The following SND1 variants were observed in gnomAD, a reference collection of about 807,000 sequenced individuals.
The protein encoded by SND1 is staphylococcal nuclease and tudor domain containing 1, also known as staphylococcal nuclease domain-containing protein 1.
In SND1, 38 loss-of-function variants were observed where a neutral mutation model predicts 121.7. That is an observed-to-expected ratio of 0.31 (90% CI 0.24 to 0.41). The LOEUF (loss-of-function observed/expected upper bound fraction) is 0.41, where lower values mean the gene tolerates loss of function less well. SND1 is among the 10% of genes least tolerant of loss of function. The pLI is 1.00. For synonymous variants in SND1, 401 were observed against 447.4 expected (o/e 0.90, Z 1.31); for missense variants, 868 against 1,184.6 (o/e 0.73, Z 3.92).
chr7:127,653,641 T>TA (rs1257221498), intron 1 of SND1, among the ~76,000 whole-genome samples: 1 of 152,090 alleles, frequency 6.6e-6, no homozygotes, highest in East Asian at 1.9e-4. Context: ...AGACCCAGTT[T>TA]AAAAAAAATT....
intron 15 of SND1, among the ~76,000 whole-genome samples, chr7:127,983,626 CA>C (rs1802318249): frequency 6.6e-6 from 1 of 152,062 alleles, no homozygotes. Flanking sequence ...TTGTCTCCCC[CA>C]TCGTTTGATC....
intron 18 of SND1, chr7:128,082,058 T>C: frequency 2.0e-6 from 1 of 490,812 alleles, no homozygotes; most frequent in Admixed American, 2.1e-5. Flanking sequence ...TGAAGGACCT[T>C]CTCCTCCTTC....
intron 10 of SND1, among the ~76,000 whole-genome samples, chr7:127,727,196 T>C (rs1327571340): frequency 2.0e-5 from 3 of 152,336 alleles, no homozygotes; most frequent in Middle Eastern, 3.4e-3. Flanking sequence ...AGTGTCCTTG[T>C]TGCCTTTGTT....
chr7:128,053,366 A>G (rs1793079195), intron 16 of SND1, among the ~76,000 whole-genome samples: 1 of 152,154 alleles, frequency 6.6e-6, no homozygotes, highest in South Asian at 2.1e-4. Context: ...TGGGCACTTA[A>G]GTGGAGAATT....
At chr7:127,983,264 C>G (rs1802308636) in intron 15 of SND1, among the ~76,000 whole-genome samples, 1 of 152,130 alleles carries the variant, frequency 6.6e-6, no homozygotes, top group African/African-American at 2.4e-5. Context: ...AATCGAGTAG[C>G]TGCAGCAGCA....
At position 128,029,281 on chromosome 7, in the gene SND1, A is replaced by G. The variant is rs763808571; in HGVS notation, c.1779+38225A>G. ...GTGGTCTCCACTGTTACTGTGGTGA[A>G]GAAGCTGTAGTTGGAGGTGTTAAGC... On this transcript the variant is annotated intron_variant, in intron 16 of 23. Transcript: ENST00000354725. The surrounding 1 kb of genome is among the most constrained non-coding windows in gnomAD (Gnocchi z 4.2). 6.2e-7 allele frequency: 1 copy of G among 1,614,180 alleles called. No individual in the cohort carries two copies. Among genetic ancestry groups the G allele is most frequent in the South Asian group, 1.1e-5 (1 of 91,076 alleles).
intron 1 of SND1, among the ~76,000 whole-genome samples, chr7:127,667,768 C>G (rs867832254): frequency 6.6e-6 from 1 of 152,210 alleles, no homozygotes. Flanking sequence ...AAGCACAGTC[C>G]TTGGAATTGT....
At chr7:127,778,178 C>T (rs1797653963) in intron 10 of SND1, among the ~76,000 whole-genome samples, 1 of 146,786 alleles carries the variant, frequency 6.8e-6, no homozygotes, top group Non-Finnish European at 1.5e-5. Context: ...TTATTTGTGT[C>T]TTATTTATTT....
intron 7 of SND1, among the ~76,000 whole-genome samples, chr7:127,704,201 T>A (rs1298968374): frequency 6.6e-6 from 1 of 152,254 alleles, no homozygotes; most frequent in Non-Finnish European, 1.5e-5. Context: ...ATTTTCATTA[T>A]TTTAACCTGT....
At chr7:127,861,286 A>G (rs989656902) in intron 12 of SND1, among the ~76,000 whole-genome samples, 3 of 152,198 alleles carry the variant, frequency 2.0e-5, no homozygotes, top group Admixed American at 1.3e-4. Flanking sequence ...AAATCATTGT[A>G]TCATGGGTTG....
intron 16 of SND1, among the ~76,000 whole-genome samples, chr7:128,047,010 C>G (rs1792960705): frequency 6.6e-6 from 1 of 152,206 alleles, no homozygotes; most frequent in East Asian, 1.9e-4. Context: ...GTACTTATAT[C>G]CTGATTTTGA....
chr7:127,921,132 A>G (rs536928676), intron 14 of SND1, among the ~76,000 whole-genome samples: 2 of 152,332 alleles, frequency 1.3e-5, no homozygotes, highest in East Asian at 1.9e-4. Context: ...TTTTATTTCA[A>G]GGTAGAAAAG....
chr7:128,036,946 G>T (rs1792761456), intron 16 of SND1, among the ~76,000 whole-genome samples: 2 of 152,184 alleles, frequency 1.3e-5, no homozygotes, highest in African/African-American at 4.8e-5. Flanking sequence ...GCGTTGATAG[G>T]TACTTGGTAC....
chr7:127,979,178 T>A (rs181036844), intron 15 of SND1, among the ~76,000 whole-genome samples: 1 of 152,374 alleles, frequency 6.6e-6, no homozygotes, highest in Admixed American at 6.5e-5. Context: ...GGCCATGTTC[T>A]AATAAGACTT....
At chr7:127,956,080 T>C (rs1801586205) in intron 15 of SND1, among the ~76,000 whole-genome samples, 2 of 152,208 alleles carry the variant, frequency 1.3e-5, no homozygotes, top group African/African-American at 4.8e-5. Flanking sequence ...AGTAAGTATA[T>C]GGCTCCAAAG....
chr7:128,025,995 C>A (rs908532070), intron 16 of SND1, among the ~76,000 whole-genome samples: 2 of 151,636 alleles, frequency 1.3e-5, no homozygotes, highest in Admixed American at 6.6e-5. Context: ...TGCATAATTC[C>A]CTGTCTGCTC....
intron 15 of SND1, among the ~76,000 whole-genome samples, chr7:127,973,451 A>G (rs989084708): frequency 3.3e-5 from 5 of 152,222 alleles, no homozygotes; most frequent in African/African-American, 1.2e-4. Flanking sequence ...AGGATCTGAC[A>G]GCAGAGGCTT....
chr7:127,955,020 C>T (rs1314056661), intron 15 of SND1, among the ~76,000 whole-genome samples: 1 of 152,188 alleles, frequency 6.6e-6, no homozygotes, highest in Non-Finnish European at 1.5e-5. Flanking sequence ...CTCCTCCCTG[C>T]CCTGTTGCTG....
At chr7:127,857,317 C>G (rs1360194529) in intron 12 of SND1, among the ~76,000 whole-genome samples, 14 of 148,012 alleles carry the variant, frequency 9.5e-5, no homozygotes, top group African/African-American at 3.2e-4. Flanking sequence ...CTCAACCTCC[C>G]GAGCAGCTGG....
Sources: gnomAD v4.1 joint callset for allele counts (sites outside exome capture counted in the v4.1 genomes callset) on GRCh38, gnomAD v4.1.1 for gene constraint, Gnocchi (gnomAD v3.1) non-coding constraint, MANE v1.5 for transcripts, NCBI Gene and HGNC (gene_info 2026-07-23, HGNC 2026-07-21) for gene names.